Variants in NXPE4 observed in about 807,000 individuals in gnomAD.
NXPE4 encodes the protein neurexophilin and PC-esterase domain family member 4, also known as NXPE family member 4.
NXPE4 carries 42 observed loss-of-function variants against 33.3 expected under a neutral mutation model. The ratio of observed to expected loss-of-function variants is 1.26; its 90% CI spans 0.98 to 1.63. The LOEUF is 1.63. NXPE4 is among the 40% of genes most tolerant of loss of function. The probability of loss-of-function intolerance (pLI) is 0.00; values close to 1 mark genes in which losing one functional copy is unlikely to be tolerated. For synonymous variants in NXPE4, 253 were observed against 234.9 expected (o/e 1.08, Z -0.71); for missense variants, 709 against 647.6 (o/e 1.09, Z -1.03).
the NXPE4 span, among the ~76,000 whole-genome samples, chr11:114,611,963 A>C: frequency 1.3e-5 from 2 of 149,758 alleles, no homozygotes; most frequent in African/African-American, 4.9e-5. Context: ...GATAATAAGT[A>C]TTGCCTCGTG....
the NXPE4 span, among the ~76,000 whole-genome samples, chr11:114,642,265 C>A: frequency 2.0e-5 from 3 of 151,984 alleles, no homozygotes; most frequent in African/African-American, 7.2e-5. Flanking sequence ...CAGATAATTC[C>A]CAATTGAGGG....
the NXPE4 span, among the ~76,000 whole-genome samples, chr11:114,646,055 T>C: frequency 1.3e-5 from 2 of 152,140 alleles, no homozygotes; most frequent in Non-Finnish European, 2.9e-5. Flanking sequence ...AGATATGATA[T>C]GATCTGCAAA....
chr11:114,582,171 A>G, intron 3 of NXPE4, 117 bp downstream of exon 3: 3 of 1,078,294 alleles, frequency 2.8e-6, no homozygotes, highest in South Asian at 3.5e-5. Flanking sequence ...TCCTTTCCCC[A>G]AAGGCTCTTA....
chr11:114,616,610 G>A, the NXPE4 span, among the ~76,000 whole-genome samples: 1 of 140,252 alleles, frequency 7.1e-6, no homozygotes, highest in South Asian at 2.1e-4. Context: ...ATTGCCTCAT[G>A]GGTAACCACA....
At chr11:114,619,261 C>G in the NXPE4 span, among the ~76,000 whole-genome samples, 7 of 152,084 alleles carry the variant, frequency 4.6e-5, no homozygotes. Context: ...CTTGAGTAAT[C>G]AATGGTACCT....
the NXPE4 span, among the ~76,000 whole-genome samples, chr11:114,631,732 C>A: frequency 6.6e-6 from 1 of 151,764 alleles, no homozygotes; most frequent in Non-Finnish European, 1.5e-5. Context: ...ATAAGTATTG[C>A]CTCGTGGGTA....
At chr11:114,603,744 T>G in the NXPE4 span, among the ~76,000 whole-genome samples, 1 of 151,610 alleles carries the variant, frequency 6.6e-6, no homozygotes, top group Non-Finnish European at 1.5e-5. Flanking sequence ...ACCCAGTGGA[T>G]GATAAGTATT....
In NXPE4 at chr11:114,594,700, G is replaced by A. The variant is rs200452412; in HGVS notation, c.60C>T (p.Ser20=). The A allele has an allele frequency of 1.4e-4, 223 of 1,603,736 alleles. No homozygotes were observed. The African/African-American group carries it at 2.8e-3, about 20-fold the overall frequency. Residue 20 remains serine, a synonymous_variant, in exon 2 of 6, where the codon TCC becomes TCT. Coordinates refer to ENST00000375478, the MANE Select transcript of NXPE4 (RefSeq NM_001077639.2). ...SLLALLFILA[S]WIIFTVFQNS... is the part of the protein sequence containing the mutation. ...TCTGGAAAACTGTAAAAATGATCCA[G>A]GAGGCTAATATAAACAACAGTGCCA...
Position 114,571,098 on chromosome 11 carries a change from C to A in NXPE4, c.1475G>T (p.Gly492Val). 6.2e-7 allele frequency: 1 copy of A among 1,613,930 alleles called. No homozygotes were observed. The highest frequency in any genetic ancestry group is 2.2e-5 in the East Asian group (1 of 44,882). The change falls in exon 6 of 6, where the codon GGT (glycine) becomes GTT (valine). Residue 492 changes from glycine to valine, a missense_variant. Physicochemically the swap from Gly to Val is moderately radical, Grantham distance 109 (BLOSUM62 -3). Transcript: ENST00000375478. Reference protein sequence around the residue: ...NDAERFSDFHGYIQYLIIKDI... With the variant: ...NDAERFSDFHVYIQYLIIKDI... Reference sequence around the variant, plus strand: ...CTTTATGATGAGATATTGAATGTAACCATGAAAGTCACTAAATCTTTCTGC... The same window carrying A: ...CTTTATGATGAGATATTGAATGTAAACATGAAAGTCACTAAATCTTTCTGC...
At chr11:114,602,023 A>C in the NXPE4 span, among the ~76,000 whole-genome samples, 1 of 89,728 alleles carries the variant, frequency 1.1e-5, no homozygotes, top group South Asian at 3.7e-4. Context: ...TATATATAAT[A>C]TATGTTATAC....
At chr11:114,668,575 A>G in the NXPE4 span, among the ~76,000 whole-genome samples, 1 of 152,114 alleles carries the variant, frequency 6.6e-6, no homozygotes, top group Non-Finnish European at 1.5e-5. Flanking sequence ...AGTTCTCCAG[A>G]TAAACACAGC....
At chr11:114,586,834 A>G (rs1949311793) in intron 2 of NXPE4, among the ~76,000 whole-genome samples, 1 of 152,188 alleles carries the variant, frequency 6.6e-6, no homozygotes, top group Admixed American at 6.6e-5. Context: ...CAATGCTTTA[A>G]AAATTTTTAC....
the NXPE4 span, among the ~76,000 whole-genome samples, chr11:114,658,977 G>T: frequency 6.6e-6 from 1 of 152,060 alleles, no homozygotes; most frequent in Non-Finnish European, 1.5e-5. Flanking sequence ...ACACAAGGAA[G>T]GACAAAGCTA....
chr11:114,587,935 T>C (rs1275122957), intron 2 of NXPE4, among the ~76,000 whole-genome samples: 1 of 152,176 alleles, frequency 6.6e-6, no homozygotes, highest in Non-Finnish European at 1.5e-5. Context: ...GGAGCCTTAA[T>C]TTTAATACTA....
chr11:114,625,682 C>T, the NXPE4 span, among the ~76,000 whole-genome samples: 5 of 152,120 alleles, frequency 3.3e-5, no homozygotes, highest in Admixed American at 3.3e-4. Context: ...CCAAGATGGC[C>T]GAGTAGGAAC....
the NXPE4 span, among the ~76,000 whole-genome samples, chr11:114,631,157 G>T: frequency 1.4e-4 from 21 of 152,080 alleles, no homozygotes; most frequent in African/African-American, 4.8e-4. Flanking sequence ...ATTTGACCCA[G>T]CCATCCCATT....
At position 114,571,462 on chromosome 11, in the gene NXPE4, C is replaced by T. The variant is rs1948884511; in HGVS notation, c.1111G>A (p.Val371Met). 9 of 1,606,118 alleles carry T rather than the reference C, an allele frequency of 5.6e-6. No individual in the cohort carries two copies. The highest frequency in any genetic ancestry group is 5.1e-6 in the Non-Finnish European group (6 of 1,174,216). Residue 371 changes from valine to methionine, a missense_variant, in exon 6 of 6, where the codon GTG becomes ATG. Coordinates refer to ENST00000375478, the MANE Select transcript of NXPE4 (RefSeq NM_001077639.2). ...AATTTTCCAGATTCATGCAGATCCACTGACTTCAGTGCTGATAACAAATAG... is the reference window on the plus strand; with the variant it reads ...AATTTTCCAGATTCATGCAGATCCATTGACTTCAGTGCTGATAACAAATAG... ...FKASINTLKS[V>M]DLHESGKLQH...
chr11:114,585,646 T>C (rs1949275850), intron 2 of NXPE4, among the ~76,000 whole-genome samples: 1 of 152,078 alleles, frequency 6.6e-6, no homozygotes, highest in Admixed American at 6.6e-5. Flanking sequence ...TTAGAACACC[T>C]AAATATATAA....
At chr11:114,616,603 G>A in the NXPE4 span, among the ~76,000 whole-genome samples, 1 of 140,260 alleles carries the variant, frequency 7.1e-6, no homozygotes, top group Admixed American at 7.0e-5. Context: ...AATGAGTATT[G>A]CCTCATGGGT....
Sources: allele counts gnomAD v4.1 joint callset (sites outside exome capture counted in the v4.1 genomes callset), GRCh38; gene constraint gnomAD v4.1.1; transcripts MANE v1.5; gene names NCBI Gene and HGNC (gene_info 2026-07-23, HGNC 2026-07-21).